The following ABHD3 variants were observed in gnomAD, a reference collection of about 807,000 sequenced individuals.
ABHD3 encodes abhydrolase domain containing 3, phospholipase, also known as phospholipase ABHD3.
A neutral mutation model predicts 48.8 loss-of-function variants in ABHD3; 46 were observed. That is an observed-to-expected ratio of 0.94 (90% CI 0.74 to 1.20). The LOEUF is 1.20. Among genes scored for constraint, ABHD3 ranks in the 50% most tolerant of loss-of-function variants. ABHD3 has a pLI of 0.00. For synonymous variants in ABHD3, 192 were observed against 183.7 expected (o/e 1.04, Z -0.36); for missense variants, 490 against 497.8 (o/e 0.98, Z 0.15).
chr18:21,655,984 C>T (rs1456993557), intron 8 of ABHD3, among the ~76,000 whole-genome samples: 1 of 150,612 alleles, frequency 6.6e-6, no homozygotes, highest in Non-Finnish European at 1.5e-5. Flanking sequence ...TGGTGAAACC[C>T]CATCTCTACA....
intron 2 of ABHD3, 105 bp downstream of exon 2, chr18:21,703,479 T>C (rs891294111): frequency 7.3e-7 from 1 of 1,372,688 alleles, no homozygotes; most frequent in Admixed American, 2.0e-5. Context: ...CTGTTCTATA[T>C]ACTTCCTAAA....
At chr18:21,701,243 T>G (rs2040506921) in intron 3 of ABHD3, 1 of 151,382 alleles carries the variant, frequency 6.6e-6, no homozygotes, top group African/African-American at 2.4e-5. Context: ...GCCCAAGGTG[T>G]CACTCTGTCA....
intron 4 of ABHD3, among the ~76,000 whole-genome samples, chr18:21,666,862 A>G (rs1317141856): frequency 1.3e-5 from 2 of 152,172 alleles, no homozygotes; most frequent in African/African-American, 4.8e-5. Context: ...TCGGTAGAAT[A>G]TATGTGAGTG....
At chr18:21,677,467 A>G (rs1254965508) in intron 4 of ABHD3, among the ~76,000 whole-genome samples, 3 of 151,902 alleles carry the variant, frequency 2.0e-5, no homozygotes, top group Admixed American at 6.6e-5. Flanking sequence ...GGCACTCCCA[A>G]AGTGCTGGAA....
chr18:21,663,655 A>G, intron 5 of ABHD3: 1 of 1,534,974 alleles, frequency 6.5e-7, no homozygotes, highest in Non-Finnish European at 8.7e-7. Flanking sequence ...CCAGCAACAA[A>G]ACAAAACAAA....
intron 4 of ABHD3, among the ~76,000 whole-genome samples, chr18:21,670,782 A>T (rs1482196601): frequency 1.3e-5 from 2 of 152,164 alleles, no homozygotes; most frequent in African/African-American, 4.8e-5. Context: ...TGGGAGGCTG[A>T]GGAGGGTGGA....
At chr18:21,690,996 C>CAAAA (rs34425997) in intron 3 of ABHD3, among the ~76,000 whole-genome samples, 12 of 63,200 alleles carry the variant, frequency 1.9e-4, no homozygotes, top group African/African-American at 6.1e-4. Flanking sequence ...GACTCTGTCT[C>CAAAA]AAAAAAAAAA....
intron 3 of ABHD3, among the ~76,000 whole-genome samples, chr18:21,697,818 CA>C (rs2040413344): frequency 6.6e-6 from 1 of 152,154 alleles, no homozygotes. Flanking sequence ...TGTTAGTTTT[CA>C]GGTAGAGGGG....
At chr18:21,680,069 A>G (rs2039972435) in intron 4 of ABHD3, among the ~76,000 whole-genome samples, 1 of 152,090 alleles carries the variant, frequency 6.6e-6, no homozygotes. Context: ...GCTGGAGTGC[A>G]GTGATGCCAT....
chr18:21,699,974 G>A (rs1053198837), intron 3 of ABHD3, among the ~76,000 whole-genome samples: 1 of 152,030 alleles, frequency 6.6e-6, no homozygotes, highest in South Asian at 2.1e-4. Flanking sequence ...CACTGCACCC[G>A]GCTAAAATCT....
chr18:21,697,074 CTTTTTTTT>C (rs781661076), intron 3 of ABHD3, among the ~76,000 whole-genome samples: 1 of 135,716 alleles, frequency 7.4e-6, no homozygotes, highest in African/African-American at 2.9e-5. Context: ...ATTCTATTAA[CTTTTTTTT>C]TTTTTTTTTT....
chr18:21,689,347 G>A (rs1310917295), intron 3 of ABHD3, among the ~76,000 whole-genome samples: 1 of 151,884 alleles, frequency 6.6e-6, no homozygotes, highest in Admixed American at 6.6e-5. Context: ...TCAGGAGTTC[G>A]AGACCAGCCT....
At chr18:21,692,244 C>T (rs890514695) in intron 3 of ABHD3, among the ~76,000 whole-genome samples, 1 of 152,186 alleles carries the variant, frequency 6.6e-6, no homozygotes, top group South Asian at 2.1e-4. Flanking sequence ...GCCACCGCAC[C>T]CGGCCCTACA....
At chr18:21,655,524 T>G (rs1208651325) in intron 8 of ABHD3, among the ~76,000 whole-genome samples, 1 of 152,128 alleles carries the variant, frequency 6.6e-6, no homozygotes, top group Non-Finnish European at 1.5e-5. Flanking sequence ...GTTATCAAAT[T>G]TCATATTTCT....
At chr18:21,675,705 G>A (rs766207300) in intron 4 of ABHD3, among the ~76,000 whole-genome samples, 4 of 152,030 alleles carry the variant, frequency 2.6e-5, no homozygotes, top group Non-Finnish European at 4.4e-5. Flanking sequence ...GAAATATTGC[G>A]ATGAGGGAAA....
chr18:21,658,898 G>A (rs2959516), intron 6 of ABHD3, among the ~76,000 whole-genome samples: 2,339 of 151,238 alleles, frequency 0.015, 57 homozygotes, highest in African/African-American at 0.053. Flanking sequence ...GAGTGCAGTG[G>A]CACGATCTCG....
At chr18:21,658,789 C>T (rs985036856) in intron 6 of ABHD3, among the ~76,000 whole-genome samples, 19 of 151,118 alleles carry the variant, frequency 1.3e-4, no homozygotes, top group Non-Finnish European at 2.7e-4. Flanking sequence ...GGTAGTATTA[C>T]GCTTTAAATT....
intron 4 of ABHD3, among the ~76,000 whole-genome samples, chr18:21,678,667 G>GAGA (rs1568151475): frequency 6.6e-6 from 1 of 152,102 alleles, no homozygotes; most frequent in East Asian, 1.9e-4. Flanking sequence ...AACAATGTTA[G>GAGA]AGAATTTGTG....
chr18:21,666,832 GGGA>G (rs2039643041), intron 4 of ABHD3, among the ~76,000 whole-genome samples: 1 of 152,092 alleles, frequency 6.6e-6, no homozygotes, highest in Non-Finnish European at 1.5e-5. Context: ...CTTGAGATCT[GGGA>G]GGAGGGGGCA....
Sources: gnomAD v4.1 joint callset for allele counts (sites outside exome capture counted in the v4.1 genomes callset) on GRCh38, gnomAD v4.1.1 for gene constraint, MANE v1.5 for transcripts, NCBI Gene and HGNC (gene_info 2026-07-23, HGNC 2026-07-21) for gene names.